NBAS: variants seen among roughly 807,000 people sequenced by gnomAD.
NBAS encodes the protein NBAS subunit of NRZ tethering complex, also known as NAG/BC035112 fusion.
A neutral mutation model predicts 302.5 loss-of-function variants in NBAS; 219 were observed. That is an observed-to-expected ratio of 0.72 (90% CI 0.65 to 0.81). The LOEUF is 0.81. Among genes scored for constraint, NBAS ranks in the 30% least tolerant of loss-of-function variants. The pLI, the probability that NBAS is intolerant of heterozygous loss-of-function variation, is 0.00. For missense variants in NBAS, 2,932 were observed against 2,841.6 expected (o/e 1.03, Z -0.72); for synonymous variants, 1,118 against 1,021.6 (o/e 1.09, Z -1.80).
chr2:14,801,132 T>G, the NBAS span, among the ~76,000 whole-genome samples: 3 of 152,180 alleles, frequency 2.0e-5, no homozygotes, highest in Non-Finnish European at 4.4e-5. Context: ...ATCACTATCT[T>G]TAAAATTTAC....
At chr2:15,389,843 T>C (rs1675499978) in intron 28 of NBAS, among the ~76,000 whole-genome samples, 1 of 152,154 alleles carries the variant, frequency 6.6e-6, no homozygotes, top group Admixed American at 6.5e-5. Context: ...ACTGCTGAGA[T>C]GACTCTTAAG....
At chr2:14,931,402 A>G in the NBAS span, among the ~76,000 whole-genome samples, 1 of 152,192 alleles carries the variant, frequency 6.6e-6, no homozygotes. Context: ...TTTCTGGTGT[A>G]TCATTGATTC....
At chr2:15,359,404 T>C (rs1429944287) in intron 32 of NBAS, among the ~76,000 whole-genome samples, 1 of 152,174 alleles carries the variant, frequency 6.6e-6, no homozygotes, top group Non-Finnish European at 1.5e-5. Flanking sequence ...ATGACAAATA[T>C]AAAGGGGGAA....
chr2:15,195,400 T>C (rs1665570916), intron 48 of NBAS, among the ~76,000 whole-genome samples: 1 of 152,180 alleles, frequency 6.6e-6, no homozygotes, highest in South Asian at 2.1e-4. Flanking sequence ...TCCATTTATG[T>C]AATATTTTTG....
chr2:15,069,303 A>G, the NBAS span, among the ~76,000 whole-genome samples: 1 of 152,202 alleles, frequency 6.6e-6, no homozygotes, highest in South Asian at 2.1e-4. Context: ...GCTACCTAAA[A>G]TAGCTCCTGA....
downstream of NBAS, among the ~76,000 whole-genome samples, chr2:15,162,340 A>G (rs1428264604): frequency 1.3e-5 from 2 of 152,072 alleles, no homozygotes; most frequent in Non-Finnish European, 2.9e-5. Context: ...GAACCCCCCT[A>G]GGTCATCTGA....
At chr2:15,354,910 T>C (rs1281740026) in intron 33 of NBAS, among the ~76,000 whole-genome samples, 1 of 152,288 alleles carries the variant, frequency 6.6e-6, no homozygotes, top group East Asian at 1.9e-4. Context: ...CAAGGTCCTA[T>C]TAAATCATTT....
the NBAS span, among the ~76,000 whole-genome samples, chr2:14,983,166 G>C: frequency 6.6e-6 from 1 of 152,216 alleles, no homozygotes; most frequent in African/African-American, 2.4e-5. Context: ...CTAAGTTGCT[G>C]TGATTATTAA....
the NBAS span, among the ~76,000 whole-genome samples, chr2:14,978,488 C>A: frequency 6.6e-6 from 1 of 152,196 alleles, no homozygotes; most frequent in Admixed American, 6.5e-5. Flanking sequence ...CATATTAGAA[C>A]TATAAAAATG....
intron 44 of NBAS, among the ~76,000 whole-genome samples, chr2:15,255,034 C>A (rs1354752899): frequency 6.6e-6 from 1 of 152,114 alleles, no homozygotes; most frequent in African/African-American, 2.4e-5. Flanking sequence ...TATGCATGTG[C>A]AAGTGTTTTT....
At chr2:14,937,656 T>C in the NBAS span, among the ~76,000 whole-genome samples, 1 of 152,172 alleles carries the variant, frequency 6.6e-6, no homozygotes, top group Non-Finnish European at 1.5e-5. Flanking sequence ...CAGCCAGACC[T>C]TTCCTTGTGT....
At chr2:14,780,176 T>C in the NBAS span, among the ~76,000 whole-genome samples, 1 of 152,214 alleles carries the variant, frequency 6.6e-6, no homozygotes, top group African/African-American at 2.4e-5. Context: ...ATGGGGATAA[T>C]AGTAGCTTCC....
chr2:14,814,005 A>G, the NBAS span, among the ~76,000 whole-genome samples: 2 of 152,310 alleles, frequency 1.3e-5, no homozygotes, highest in Middle Eastern at 3.4e-3. Flanking sequence ...ATCAAGGTAG[A>G]ACTCAGGACT....
the NBAS span, among the ~76,000 whole-genome samples, chr2:15,066,786 A>T: frequency 6.6e-6 from 1 of 152,188 alleles, no homozygotes; most frequent in Non-Finnish European, 1.5e-5. Flanking sequence ...ACTAGGGAAA[A>T]CAATATGGAA....
chr2:15,275,206 A>G, intron 44 of NBAS, among the ~76,000 whole-genome samples: 1 of 152,240 alleles, frequency 6.6e-6, no homozygotes, highest in East Asian at 1.9e-4. Context: ...ACAGAATGGC[A>G]TATTTACTAT....
chr2:14,832,237 C>T, the NBAS span, among the ~76,000 whole-genome samples: 2 of 152,278 alleles, frequency 1.3e-5, no homozygotes, highest in South Asian at 2.1e-4. Flanking sequence ...GAAGGAGCAC[C>T]TGGCTAAATA....
At chr2:15,530,708 G>T (rs1357324076) in intron 9 of NBAS, among the ~76,000 whole-genome samples, 11 of 149,038 alleles carry the variant, frequency 7.4e-5, no homozygotes, top group Non-Finnish European at 7.4e-5. Context: ...CCTACATCTA[G>T]ATAACAGAAA....
Position 15,275,615 on chromosome 2 carries a change from G to C in NBAS, c.5593C>G (p.Gln1865Glu). Reference protein sequence around the residue: ...FWTGDPHLIKQVPGSSPEWLH... With the variant: ...FWTGDPHLIKEVPGSSPEWLH... ...CACTCCGGTGAAGAGCCTGGGACTTGTTTAATGAGATGAGGGTCTCCAGTC... is the reference window on the plus strand; with the variant it reads ...CACTCCGGTGAAGAGCCTGGGACTTCTTTAATGAGATGAGGGTCTCCAGTC... Residue 1865 changes from glutamine to glutamate, a missense_variant, in exon 44 of 52, where the codon CAA becomes GAA. Transcript: ENST00000281513. The C allele has an allele frequency of 6.2e-7, 1 of 1,614,198 alleles. No individual in the cohort carries two copies. The highest frequency in any genetic ancestry group is 8.5e-7 in the Non-Finnish European group (1 of 1,180,036).
chr2:14,909,080 C>A, the NBAS span, among the ~76,000 whole-genome samples: 2 of 152,062 alleles, frequency 1.3e-5, no homozygotes, highest in Non-Finnish European at 2.9e-5. Context: ...CGCTCGTAAT[C>A]CCAGCACTTT....
Sources: allele counts gnomAD v4.1 joint callset (sites outside exome capture counted in the v4.1 genomes callset), GRCh38; gene constraint gnomAD v4.1.1; transcripts MANE v1.5; gene names NCBI Gene and HGNC (gene_info 2026-07-23, HGNC 2026-07-21).